Variants in AGBL1 observed in about 807,000 individuals in gnomAD.
AGBL1 encodes the protein cytosolic carboxypeptidase 4.
In AGBL1, 130 loss-of-function variants were observed where a neutral mutation model predicts 118.9. That is an observed-to-expected ratio of 1.09 (90% CI 0.95 to 1.26). The LOEUF (loss-of-function observed/expected upper bound fraction) is 1.26, where lower values mean the gene tolerates loss of function less well. AGBL1 is among the 50% of genes most tolerant of loss of function. The probability of loss-of-function intolerance (pLI) is 0.00; values close to 1 mark genes in which losing one functional copy is unlikely to be tolerated. For synonymous variants in AGBL1, 555 were observed against 478.9 expected (o/e 1.16, Z -2.08); for missense variants, 1,584 against 1,298.1 (o/e 1.22, Z -3.38).
chr15:86,161,393 C>A (rs540867727), intron 5 of AGBL1, among the ~76,000 whole-genome samples: 1 of 152,102 alleles, frequency 6.6e-6, no homozygotes, highest in Non-Finnish European at 1.5e-5. Context: ...GCTATTATTG[C>A]CCCCAATTTT....
chr15:86,627,626 A>G (rs898633144), intron 21 of AGBL1, among the ~76,000 whole-genome samples: 2 of 152,208 alleles, frequency 1.3e-5, no homozygotes, highest in Non-Finnish European at 2.9e-5. Context: ...ATACATAAAG[A>G]GAAAAGAAGT....
intron 22 of AGBL1, among the ~76,000 whole-genome samples, chr15:86,900,752 T>A (rs534721919): frequency 6.6e-6 from 1 of 152,238 alleles, no homozygotes; most frequent in African/African-American, 2.4e-5. Flanking sequence ...TTTTTACTGA[T>A]AAGATGTTGA....
intron 21 of AGBL1, among the ~76,000 whole-genome samples, chr15:86,633,161 A>C (rs561087474): frequency 1.1e-3 from 169 of 152,346 alleles, no homozygotes; most frequent in African/African-American, 3.9e-3. Flanking sequence ...AGATTATCTG[A>C]CTACCATTTA....
chr15:86,661,687 T>C (rs1220754226), intron 21 of AGBL1, among the ~76,000 whole-genome samples: 2 of 152,046 alleles, frequency 1.3e-5, no homozygotes, highest in Non-Finnish European at 2.9e-5. Context: ...TAAAAGCCTT[T>C]TTGCTAGAGC....
chr15:87,018,745 A>G (rs4887253), intron 24 of AGBL1, among the ~76,000 whole-genome samples: 54,096 of 151,974 alleles, frequency 0.36, 10,238 homozygotes, highest in East Asian at 0.5. Context: ...TAGCCTCATG[A>G]TGACAGGATC....
intron 18 of AGBL1, among the ~76,000 whole-genome samples, chr15:86,459,627 C>G (rs898768374): frequency 5.3e-5 from 8 of 152,146 alleles, no homozygotes; most frequent in Admixed American, 5.2e-4. Flanking sequence ...GATCACTCAT[C>G]ATGCCCCAGA....
rs568056143 is a variant in AGBL1 at position 86,315,880 on chromosome 15, C to T, written c.2374+20472C>T. 4.2e-4 allele frequency among the ~76,000 whole-genome samples: 64 copies of T among 152,216 alleles called. 2 individuals carry two copies. The South Asian group carries it at 0.013, about 31-fold the overall frequency. ...GTCAAAGGGAAGGATATAGCCTTTC[C>T]CATCTGTAGTTTCAGAAAATACCAG... On this transcript the variant is annotated intron_variant, in intron 17 of 22. Transcript: ENST00000614907.
chr15:86,923,341 G>A (rs2080499584), intron 23 of AGBL1, among the ~76,000 whole-genome samples: 2 of 152,148 alleles, frequency 1.3e-5, no homozygotes, highest in African/African-American at 2.4e-5. Context: ...GCCTTGCCGG[G>A]CTTGTCTTCA....
chr15:86,721,225 A>C (rs2142721088), intron 22 of AGBL1, among the ~76,000 whole-genome samples: 1 of 152,338 alleles, frequency 6.6e-6, no homozygotes, highest in East Asian at 1.9e-4. Context: ...AATATTCCTG[A>C]TGAACATCGA....
chr15:86,276,518 A>T (rs2079254256), intron 15 of AGBL1, among the ~76,000 whole-genome samples: 1 of 152,238 alleles, frequency 6.6e-6, no homozygotes, highest in Admixed American at 6.5e-5. Flanking sequence ...TCCGTGTATT[A>T]TACAAACTTT....
rs530057941 is a variant in AGBL1, at chr15:86,580,236, T to C, written c.2994+25699T>C. ...GCCTAATTTAAATTATAATGCTTAT[T>C]CTTCTGTGCACTCCAAAATTCTGAC... On this transcript the variant is annotated intron_variant, in intron 21 of 22. Coordinates refer to ENST00000614907, the MANE Select transcript of AGBL1 (RefSeq NM_001386094.1). Among the ~76,000 whole-genome samples, 3 of 152,314 alleles carry C rather than the reference T, an allele frequency of 2.0e-5. No homozygotes were observed. The East Asian group carries it at 5.8e-4, about 29-fold the overall frequency.
At chr15:86,800,937 G>C (rs958897097) in intron 22 of AGBL1, among the ~76,000 whole-genome samples, 2 of 152,070 alleles carry the variant, frequency 1.3e-5, no homozygotes, top group Admixed American at 1.3e-4. Flanking sequence ...ATTTTAAGGG[G>C]TGAGATGCAT....
At chr15:86,632,888 T>C (rs1299031863) in intron 21 of AGBL1, among the ~76,000 whole-genome samples, 2 of 152,196 alleles carry the variant, frequency 1.3e-5, no homozygotes, top group African/African-American at 4.8e-5. Context: ...TATGGATAAT[T>C]TTTGCTTCAA....
At chr15:86,209,936 T>G in intron 5 of AGBL1, among the ~76,000 whole-genome samples, 1 of 152,204 alleles carries the variant, frequency 6.6e-6, no homozygotes, top group East Asian at 1.9e-4. Context: ...TTGGCATGTT[T>G]TTGCAGTGGC....
chr15:86,860,753 C>G (rs1369415133), intron 22 of AGBL1, among the ~76,000 whole-genome samples: 2 of 151,916 alleles, frequency 1.3e-5, no homozygotes, highest in Non-Finnish European at 2.9e-5. Flanking sequence ...TATGAAGATA[C>G]ACATGTGTCT....
At chr15:86,902,483 C>A (rs1303949650) in intron 22 of AGBL1, among the ~76,000 whole-genome samples, 1 of 152,036 alleles carries the variant, frequency 6.6e-6, no homozygotes, top group Non-Finnish European at 1.5e-5. Context: ...TATGTATTTG[C>A]TCATATTTTT....
chr15:86,966,810 G>A (rs965983873), intron 23 of AGBL1, among the ~76,000 whole-genome samples: 9 of 152,228 alleles, frequency 5.9e-5, no homozygotes, highest in Admixed American at 2.6e-4. Context: ...CTTTATAGCA[G>A]CATGATTTAT....
At chr15:86,524,830 A>G (rs1321918336) in intron 19 of AGBL1, among the ~76,000 whole-genome samples, 3 of 152,284 alleles carry the variant, frequency 2.0e-5, no homozygotes, top group East Asian at 1.9e-4. Flanking sequence ...TGCTGAGTCA[A>G]TCTTTTTTTG....
At chr15:86,882,452 G>A (rs2079908206) in intron 22 of AGBL1, among the ~76,000 whole-genome samples, 1 of 152,072 alleles carries the variant, frequency 6.6e-6, no homozygotes, top group African/African-American at 2.4e-5. Flanking sequence ...GTAAAAAATT[G>A]TCTGCCAAAT....
Sources: allele counts gnomAD v4.1 joint callset (sites outside exome capture counted in the v4.1 genomes callset), GRCh38; gene constraint gnomAD v4.1.1; transcripts MANE v1.5; gene names NCBI Gene and HGNC (gene_info 2026-07-23, HGNC 2026-07-21).